Variants in CSMD2 observed in about 807,000 individuals in gnomAD.
CSMD2 encodes CUB and sushi domain-containing protein 2.
Under a neutral mutation model 398.5 loss-of-function variants are expected in CSMD2, and 130 were observed. The ratio of observed to expected loss-of-function variants is 0.33; its 90% CI spans 0.28 to 0.38. The LOEUF (loss-of-function observed/expected upper bound fraction) is 0.38. CSMD2 is among the 10% of genes least tolerant of loss of function. The probability of loss-of-function intolerance (pLI) is 1.00; values close to 1 mark genes in which losing one functional copy is unlikely to be tolerated. For synonymous variants in CSMD2, 1,828 were observed against 1,908.5 expected (o/e 0.96, Z 1.10); for missense variants, 3,829 against 4,764.9 (o/e 0.80, Z 5.78).
chr1:34,140,529 G>A (rs904444595), intron 1 of CSMD2, among the ~76,000 whole-genome samples: 2 of 152,108 alleles, frequency 1.3e-5, no homozygotes, highest in Non-Finnish European at 2.9e-5. Flanking sequence ...CCATCACCTT[G>A]GCAACCACGA....
intron 2 of CSMD2, among the ~76,000 whole-genome samples, chr1:34,057,352 G>A (rs932651841): frequency 1.3e-5 from 2 of 152,190 alleles, no homozygotes; most frequent in African/African-American, 2.4e-5. Flanking sequence ...CTGGCAGGAA[G>A]CTTCCCTTTT....
At position 33,646,447 on chromosome 1, in the gene CSMD2, C is replaced by A. The variant is rs139360131; in HGVS notation, c.4774+201G>T. Among the ~76,000 whole-genome samples, 3 of 152,180 alleles carry A rather than the reference C, an allele frequency of 2.0e-5. No homozygotes were observed. The East Asian group carries it at 5.8e-4, about 30-fold the overall frequency. ...AGAATGCTGGTTCCCTTTTTTCCCA[C>A]CCCTGGAGAATATAGGGGTGAAAGA... On this transcript the variant is annotated intron_variant, in intron 29 of 70. Coordinates refer to ENST00000373381, the MANE Select transcript of CSMD2 (RefSeq NM_001281956.2).
chr1:33,666,360 ATAACT>A (rs1320862551), intron 25 of CSMD2, among the ~76,000 whole-genome samples: 15 of 152,174 alleles, frequency 9.9e-5, no homozygotes, highest in Admixed American at 9.8e-4. Flanking sequence ...AACATTGTAG[ATAACT>A]TAGTTTATGT....
chr1:33,781,427 T>C (rs1569898120), intron 12 of CSMD2, among the ~76,000 whole-genome samples: 1 of 152,258 alleles, frequency 6.6e-6, no homozygotes, highest in Non-Finnish European at 1.5e-5. Context: ...GAGATTGTCT[T>C]GCTGTCCTTG....
At position 33,729,108 on chromosome 1, in the gene CSMD2, C is replaced by T. The variant is rs527390824; in HGVS notation, c.2369-2423G>A. Among the ~76,000 whole-genome samples, 28 of 152,306 alleles carry T rather than the reference C, an allele frequency of 1.8e-4. No individual in the cohort carries two copies. The South Asian group carries it at 5.6e-3, about 30-fold the overall frequency. ...TCTTGGCTCCATCTCAGCACAGGCC[C>T]AGCATCTCTGGTTGTTGGACTGTGA... On this transcript the variant is annotated intron_variant, in intron 15 of 70. Coordinates refer to ENST00000373381, the MANE Select transcript of CSMD2 (RefSeq NM_001281956.2).
chr1:33,830,745 A>C (rs190229184), intron 6 of CSMD2, among the ~76,000 whole-genome samples: 3,868 of 152,340 alleles, frequency 0.025, 163 homozygotes, highest in African/African-American at 0.089. Flanking sequence ...CCAAAGGCAA[A>C]GAAGTTGAAA....
chr1:34,070,017 GATCA>G (rs1422287152), intron 2 of CSMD2, among the ~76,000 whole-genome samples: 12 of 152,128 alleles, frequency 7.9e-5, no homozygotes, highest in African/African-American at 2.9e-4. Context: ...AGCACCAACT[GATCA>G]ATCAAACAAA....
At chr1:33,597,223 C>A (rs753291399) in intron 44 of CSMD2, among the ~76,000 whole-genome samples, 4 of 152,134 alleles carry the variant, frequency 2.6e-5, no homozygotes, top group Non-Finnish European at 4.4e-5. Context: ...GGCAAAAATT[C>A]TTTCCCCCAC....
chr1:33,832,164 AAT>A (rs1224610809), intron 6 of CSMD2, among the ~76,000 whole-genome samples: 1 of 136,960 alleles, frequency 7.3e-6, no homozygotes, highest in Non-Finnish European at 1.5e-5. Context: ...AAGTGGACCT[AAT>A]AGACATCTAC....
chr1:33,518,852 C>T lies in CSMD2; in HGVS notation c.*53+613G>A, dbSNP rs1653993417. Among the ~76,000 whole-genome samples the T allele has an allele frequency of 6.6e-6, 1 of 152,078 alleles. No homozygotes were observed. Among genetic ancestry groups the T allele is most frequent in the African/African-American group, 2.4e-5 (1 of 41,388 alleles). On this transcript the variant is annotated intron_variant, in intron 70 of 70. Transcript: ENST00000373381. The surrounding 1 kb of genome is among the most constrained non-coding windows in gnomAD (Gnocchi z 4.3). ...TATTTATATTTCTATCTCTATATAA[C>T]ATTTACATATAGCTCTACGGAGATG...
chr1:33,566,789 C>CA (rs1415287961), intron 53 of CSMD2, among the ~76,000 whole-genome samples: 3 of 152,152 alleles, frequency 2.0e-5, no homozygotes, highest in African/African-American at 7.2e-5. Context: ...CTTTATAGAA[C>CA]AGAAACTACA....
chr1:33,921,759 G>C (rs1419868497), intron 4 of CSMD2, among the ~76,000 whole-genome samples: 1 of 152,204 alleles, frequency 6.6e-6, no homozygotes, highest in Admixed American at 6.5e-5. Context: ...GTGCAGGGGA[G>C]TCATGGTAGG....
chr1:34,016,496 C>T (rs10799019), intron 3 of CSMD2, among the ~76,000 whole-genome samples: 15,558 of 152,110 alleles, frequency 0.1, 888 homozygotes, highest in East Asian at 0.19. Flanking sequence ...TTCTTTTTCA[C>T]GGCTGCATAG....
At chr1:33,595,489 G>T (rs1453488430) in intron 44 of CSMD2, among the ~76,000 whole-genome samples, 1 of 152,098 alleles carries the variant, frequency 6.6e-6, no homozygotes, top group Non-Finnish European at 1.5e-5. Flanking sequence ...AGTGGGGTGG[G>T]GGAAGGGGTA....
chr1:33,966,938 G>T (rs963318869), intron 3 of CSMD2, among the ~76,000 whole-genome samples: 1 of 152,180 alleles, frequency 6.6e-6, no homozygotes, highest in Non-Finnish European at 1.5e-5. Flanking sequence ...GGTGGTGGAG[G>T]CAGTCCTGTG....
chr1:33,937,276 C>G (rs977627242), intron 3 of CSMD2, among the ~76,000 whole-genome samples: 1 of 152,138 alleles, frequency 6.6e-6, no homozygotes, highest in African/African-American at 2.4e-5. Context: ...GGGAACCAAA[C>G]CCAGCTGGGG....
intron 3 of CSMD2, among the ~76,000 whole-genome samples, chr1:34,027,174 A>G (rs1169351870): frequency 3.3e-5 from 5 of 152,242 alleles, no homozygotes. Context: ...AGCACTTACA[A>G]AGAAGATAAG....
chr1:34,051,159 A>C (rs1169066126), intron 2 of CSMD2, among the ~76,000 whole-genome samples: 1 of 152,250 alleles, frequency 6.6e-6, no homozygotes, highest in Non-Finnish European at 1.5e-5. Flanking sequence ...GTTATCTCTT[A>C]GTATTATCAT....
At chr1:33,704,995 T>C (rs541101754) in intron 22 of CSMD2, among the ~76,000 whole-genome samples, 2 of 152,052 alleles carry the variant, frequency 1.3e-5, no homozygotes, top group Non-Finnish European at 2.9e-5. Flanking sequence ...GATGGTCTCA[T>C]CTTTGTTTTA....
Sources: allele counts gnomAD v4.1 joint callset (sites outside exome capture counted in the v4.1 genomes callset), GRCh38; gene constraint gnomAD v4.1.1; non-coding constraint Gnocchi (gnomAD v3.1); transcripts MANE v1.5; gene names NCBI Gene and HGNC (gene_info 2026-07-23, HGNC 2026-07-21).